AVEN: variants seen among roughly 807,000 people sequenced by gnomAD.
AVEN encodes the protein cell death regulator Aven.
A neutral mutation model predicts 38.1 loss-of-function variants in AVEN; 41 were observed. The ratio of observed to expected loss-of-function variants is 1.08; its 90% CI spans 0.84 to 1.40. AVEN has a LOEUF of 1.40. AVEN is among the 40% of genes most tolerant of loss of function. AVEN has a pLI of 0.00. For missense variants in AVEN, 605 were observed against 438.8 expected (o/e 1.38, Z -3.38); for synonymous variants, 206 against 171.8 (o/e 1.20, Z -1.56).
At chr15:33,986,329 T>A (rs1358371526) in intron 2 of AVEN, among the ~76,000 whole-genome samples, 2 of 152,010 alleles carry the variant, frequency 1.3e-5, no homozygotes, top group African/African-American at 4.8e-5. Context: ...CAGGATGGTC[T>A]CGATCTCCTG....
intron 2 of AVEN, among the ~76,000 whole-genome samples, chr15:33,940,076 C>G (rs1175412726): frequency 1.3e-5 from 2 of 152,214 alleles, no homozygotes; most frequent in African/African-American, 4.8e-5. Flanking sequence ...CAGGAGGAAT[C>G]TGCCGGTGCC....
At chr15:33,966,898 C>G (rs374616332) in intron 2 of AVEN, among the ~76,000 whole-genome samples, 15 of 152,074 alleles carry the variant, frequency 9.9e-5, no homozygotes, top group Non-Finnish European at 1.9e-4. Context: ...TTATAGTCAT[C>G]GATCCTCATA....
chr15:33,951,354 AC>A (rs1894738318), intron 2 of AVEN, among the ~76,000 whole-genome samples: 1 of 151,646 alleles, frequency 6.6e-6, no homozygotes, highest in Non-Finnish European at 1.5e-5. Context: ...TATTCCCAGA[AC>A]CAAAAAGTCT....
intron 11 of AVEN, among the ~76,000 whole-genome samples, chr15:33,860,270 G>A (rs552163253): frequency 6.6e-6 from 1 of 152,258 alleles, no homozygotes; most frequent in East Asian, 1.9e-4. Flanking sequence ...AGAGGTGCTA[G>A]GAGAAGAGGG....
At chr15:34,062,806 T>A (rs1386122008) in intron 5 of AVEN, 1 of 1,614,220 alleles carries the variant, frequency 6.2e-7, no homozygotes, top group East Asian at 2.2e-5. Context: ...TTGTGGGAAG[T>A]CATCACCATT....
intron 2 of AVEN, among the ~76,000 whole-genome samples, chr15:33,979,377 G>A (rs1896034633): frequency 6.6e-6 from 1 of 151,954 alleles, no homozygotes; most frequent in Non-Finnish European, 1.5e-5. Flanking sequence ...GGCATGCTAG[G>A]GTGTGGCTGT....
chr15:33,961,020 A>G (rs927463722), intron 2 of AVEN, among the ~76,000 whole-genome samples: 8 of 152,086 alleles, frequency 5.3e-5, no homozygotes, highest in Non-Finnish European at 1.0e-4. Context: ...TTTTCTTTTG[A>G]GACAGAGTCT....
At chr15:33,991,840 A>G (rs1752644279) in intron 2 of AVEN, 1 of 152,484 alleles carries the variant, frequency 6.6e-6, no homozygotes, top group Admixed American at 6.5e-5. Flanking sequence ...ATCACCAAGA[A>G]TCTCTAAACA....
chr15:33,883,981 T>C (rs1179548526), intron 2 of AVEN, among the ~76,000 whole-genome samples: 1 of 152,200 alleles, frequency 6.6e-6, no homozygotes, highest in Non-Finnish European at 1.5e-5. Flanking sequence ...ATTTAATGGC[T>C]AGACACCTAG....
intron 2 of AVEN, among the ~76,000 whole-genome samples, chr15:33,938,128 T>C (rs1257080079): frequency 1.3e-5 from 2 of 151,830 alleles, no homozygotes; most frequent in Non-Finnish European, 2.9e-5. Context: ...TCTGAAATAA[T>C]AAAGGGAAAT....
chr15:33,854,757 C>A, downstream of AVEN: 1 of 1,591,116 alleles, frequency 6.3e-7, no homozygotes, highest in South Asian at 1.2e-5. Flanking sequence ...TGCTTTCTTC[C>A]ATTCCCAGTC....
chr15:33,910,291 G>T (rs1892871712), intron 2 of AVEN, among the ~76,000 whole-genome samples: 1 of 152,140 alleles, frequency 6.6e-6, no homozygotes, highest in Non-Finnish European at 1.5e-5. Context: ...AAGGTGTGAG[G>T]TGGCTGTGAA....
chr15:33,918,259 G>A (rs1184524637), intron 2 of AVEN, among the ~76,000 whole-genome samples: 1 of 152,060 alleles, frequency 6.6e-6, no homozygotes, highest in Non-Finnish European at 1.5e-5. Flanking sequence ...TTTTAAAACT[G>A]CTTGAAGCTT....
intron 2 of AVEN, among the ~76,000 whole-genome samples, chr15:33,899,936 GTTT>G (rs61609189): frequency 4.1e-5 from 6 of 145,292 alleles, no homozygotes; most frequent in South Asian, 2.2e-4. Context: ...TCACAGTTCA[GTTT>G]TTTTTTTTTT....
At chr15:34,048,733 TC>T (rs1380924418) in intron 5 of AVEN, among the ~76,000 whole-genome samples, 7 of 152,176 alleles carry the variant, frequency 4.6e-5, no homozygotes, top group Admixed American at 3.3e-4. Context: ...GGGTCCCTGA[TC>T]CCATTCCTCC....
At chr15:33,863,594 C>T (rs570567938), downstream of AVEN, among the ~76,000 whole-genome samples, 2 of 152,298 alleles carry the variant, frequency 1.3e-5, no homozygotes, top group African/African-American at 4.8e-5. Context: ...AAACTCAAAC[C>T]TAAGATATGG....
chr15:34,067,973 C>T (rs150547954), intron 2 of AVEN, among the ~76,000 whole-genome samples: 42 of 152,268 alleles, frequency 2.8e-4, no homozygotes, highest in South Asian at 1.2e-3. Context: ...AAAGAAGAAG[C>T]TGGAAGCAAT....
At chr15:34,023,605 A>G (rs1189978180) in intron 1 of AVEN, among the ~76,000 whole-genome samples, 1 of 152,100 alleles carries the variant, frequency 6.6e-6, no homozygotes, top group Non-Finnish European at 1.5e-5. Flanking sequence ...GACTCTAACA[A>G]AAGATGGAAG....
chr15:33,981,996 A>T (rs12438655), intron 2 of AVEN, among the ~76,000 whole-genome samples: 1 of 151,366 alleles, frequency 6.6e-6, no homozygotes, highest in African/African-American at 2.4e-5. Context: ...GACTACAGGT[A>T]CATGCCACCA....
Sources: allele counts gnomAD v4.1 joint callset (sites outside exome capture counted in the v4.1 genomes callset), GRCh38; gene constraint gnomAD v4.1.1; transcripts MANE v1.5; gene names NCBI Gene and HGNC (gene_info 2026-07-23, HGNC 2026-07-21).